The following FRYL variants were observed in gnomAD, a reference collection of about 807,000 sequenced individuals.
FRYL encodes the protein FRY like transcription coactivator, also known as protein furry homolog-like.
In FRYL, 150 loss-of-function variants were observed where a neutral mutation model predicts 351.2. The ratio of observed to expected loss-of-function variants is 0.43; its 90% CI spans 0.37 to 0.49. The LOEUF is 0.49. Ranked by LOEUF, FRYL falls within the 20% of genes least tolerant of loss-of-function variation. The pLI, the probability that FRYL is intolerant of heterozygous loss-of-function variation, is 0.00. For missense variants in FRYL, 3,036 were observed against 3,619.3 expected (o/e 0.84, Z 4.13); for synonymous variants, 1,153 against 1,257.1 (o/e 0.92, Z 1.75).
At chr4:48,649,502 G>A (rs534389803) in intron 3 of FRYL, among the ~76,000 whole-genome samples, 1 of 152,298 alleles carries the variant, frequency 6.6e-6, no homozygotes, top group East Asian at 1.9e-4. Context: ...TATATGGACA[G>A]CAAATGCATC....
At chr4:48,610,747 T>G (rs1435056045) in intron 7 of FRYL, among the ~76,000 whole-genome samples, 1 of 146,094 alleles carries the variant, frequency 6.8e-6, no homozygotes, top group African/African-American at 2.5e-5. Flanking sequence ...TATTATATAT[T>G]GTATATATAC....
chr4:48,695,812 A>G (rs1264314649), intron 2 of FRYL, among the ~76,000 whole-genome samples: 2 of 152,218 alleles, frequency 1.3e-5, no homozygotes, highest in East Asian at 3.8e-4. Flanking sequence ...AGAATCTACA[A>G]GGAACTTAAA....
intron 35 of FRYL, among the ~76,000 whole-genome samples, chr4:48,554,049 G>C (rs1302885796): frequency 6.6e-6 from 1 of 152,194 alleles, no homozygotes; most frequent in Non-Finnish European, 1.5e-5. Flanking sequence ...CACAGTATAA[G>C]TAGAAAAACT....
chr4:48,730,084 C>T (rs1770557759), intron 1 of FRYL, among the ~76,000 whole-genome samples: 1 of 152,068 alleles, frequency 6.6e-6, no homozygotes, highest in Admixed American at 6.6e-5. Context: ...CTTCATGAAG[C>T]ATACACAAGC....
chr4:48,581,393 T>TA, intron 21 of FRYL, 27 bp downstream of exon 21: 1 of 1,578,382 alleles, frequency 6.3e-7, no homozygotes, highest in Non-Finnish European at 8.6e-7. Context: ...TTTCAATAGA[T>TA]AACTGAATGA....
chr4:48,630,034 A>G (rs1280551806), intron 4 of FRYL, among the ~76,000 whole-genome samples: 1 of 152,112 alleles, frequency 6.6e-6, no homozygotes, highest in African/African-American at 2.4e-5. Context: ...TATAAACCAA[A>G]TATCAAAAAC....
intron 3 of FRYL, among the ~76,000 whole-genome samples, chr4:48,655,424 G>A (rs1183909199): frequency 1.3e-5 from 2 of 151,908 alleles, no homozygotes; most frequent in African/African-American, 4.8e-5. Flanking sequence ...TGAAAAAAGT[G>A]CATCCCACAG....
chr4:48,499,795 T>C, intron 63 of FRYL, 115 bp from the exon 64 acceptor site: 1 of 1,048,342 alleles, frequency 9.5e-7, no homozygotes, highest in East Asian at 2.4e-5. Flanking sequence ...ATGATCTGTT[T>C]TAATATTTGA....
Position 48,543,872 on chromosome 4 carries a change from T to C in FRYL, c.5527A>G (p.Thr1843Ala). ...FRALKQPLTA[T>A]TLSDVLSRLV... ...CTGGAGAGAACATCAGAAAGTGTAG[T>C]TGCAGTGAGAGGCTGCTTTAGGGCC... Residue 1843 changes from threonine to alanine, a missense_variant, in exon 44 of 64, where the codon ACT (threonine) becomes GCT (alanine). Around this residue, in one of 7 missense-constraint regions of FRYL, gnomAD observed 1,987 missense variants for 2,311.7 expected, o/e 0.86. Transcript: ENST00000358350. The C allele has an allele frequency of 6.2e-7, 1 of 1,613,894 alleles. No homozygotes were observed. The highest frequency in any genetic ancestry group is 8.5e-7 in the Non-Finnish European group (1 of 1,179,840).
chr4:48,681,207 C>A (rs1347023928), intron 3 of FRYL: 1 of 530,244 alleles, frequency 1.9e-6, no homozygotes, highest in African/African-American at 2.1e-5. Flanking sequence ...AGTTCAGGTA[C>A]ACTATTTGTG....
intron 22 of FRYL, chr4:48,580,549 C>A (rs536422168): frequency 2.4e-5 from 7 of 293,842 alleles, no homozygotes; most frequent in East Asian, 1.1e-4. Context: ...TTCTATCTCA[C>A]GAATATTATA....
chr4:48,710,143 A>G (rs763023758), intron 2 of FRYL, among the ~76,000 whole-genome samples: 3 of 152,250 alleles, frequency 2.0e-5, no homozygotes, highest in Non-Finnish European at 4.4e-5. Context: ...CTCTCTTATC[A>G]TTTCCATGAA....
chr4:48,556,137 C>T (rs1422877030), intron 35 of FRYL, among the ~76,000 whole-genome samples: 3 of 152,162 alleles, frequency 2.0e-5, no homozygotes, highest in East Asian at 1.9e-4. Context: ...TCAGGTGATC[C>T]GCCTGCCTCG....
chr4:48,540,189 T>C, intron 46 of FRYL, 121 bp from the exon 47 acceptor site: 5 of 1,127,878 alleles, frequency 4.4e-6, no homozygotes, highest in Non-Finnish European at 6.2e-6. Context: ...GGATATTCGA[T>C]CTTCTAATTC....
intron 1 of FRYL, among the ~76,000 whole-genome samples, chr4:48,766,289 G>A (rs1774941341): frequency 6.6e-6 from 1 of 152,086 alleles, no homozygotes; most frequent in Non-Finnish European, 1.5e-5. Flanking sequence ...GAAGCTGCAG[G>A]GGCTAGTCAG....
intron 27 of FRYL, among the ~76,000 whole-genome samples, chr4:48,569,284 A>T (rs1737687625): frequency 6.6e-6 from 1 of 152,196 alleles, no homozygotes; most frequent in South Asian, 2.1e-4. Flanking sequence ...TGGAGGAAAG[A>T]AAAGAGAATA....
chr4:48,592,116 T>TATATATATATATATATATATA (rs1553942046), intron 16 of FRYL, among the ~76,000 whole-genome samples: 2 of 84,330 alleles, frequency 2.4e-5, no homozygotes, highest in Non-Finnish European at 4.5e-5. Flanking sequence ...ATATATATAT[T>TATATATATATATATATATATA]TTATCTAAGT....
intron 7 of FRYL, among the ~76,000 whole-genome samples, chr4:48,616,563 C>T (rs1286170458): frequency 1.3e-5 from 2 of 152,106 alleles, no homozygotes; most frequent in South Asian, 2.1e-4. Flanking sequence ...ATAGTACTTG[C>T]CATGGCCATC....
chr4:48,685,485 A>G (rs1375542116), intron 2 of FRYL, among the ~76,000 whole-genome samples: 1 of 152,228 alleles, frequency 6.6e-6, no homozygotes, highest in Admixed American at 6.5e-5. Flanking sequence ...ATAATACATT[A>G]TTTTATTCAC....
Sources: gnomAD v4.1 joint callset for allele counts (sites outside exome capture counted in the v4.1 genomes callset) on GRCh38, gnomAD v4.1.1 for gene constraint, gnomAD v4.1.1 regional missense constraint, MANE v1.5 for transcripts, NCBI Gene and HGNC (gene_info 2026-07-23, HGNC 2026-07-21) for gene names.